The following HNMT variants were observed in gnomAD, a reference collection of about 807,000 sequenced individuals.
HNMT encodes histamine N-methyltransferase.
HNMT carries 30 observed loss-of-function variants against 32.1 expected under a neutral mutation model. The observed-to-expected ratio is 0.93, with a 90% CI of 0.70 to 1.27. The LOEUF (loss-of-function observed/expected upper bound fraction) is 1.27, where lower values mean the gene tolerates loss of function less well. Among genes scored for constraint, HNMT ranks in the 50% most tolerant of loss-of-function variants. HNMT has a pLI of 0.00. For missense variants in HNMT, 327 were observed against 346.0 expected, an observed-to-expected ratio of 0.95 and a Z score of 0.43; for synonymous variants, 125 against 119.0, an observed-to-expected ratio of 1.05 and a Z score of -0.33.
At chr2:137,972,552 AG>A in intron 2 of HNMT, among the ~76,000 whole-genome samples, 1 of 152,338 alleles carries the variant, frequency 6.6e-6, no homozygotes, top group Non-Finnish European at 1.5e-5. Context: ...CAGACAATGA[AG>A]GGAATTGTCA....
intron 5 of HNMT, among the ~76,000 whole-genome samples, chr2:138,008,431 A>C (rs1681393806): frequency 6.6e-6 from 1 of 152,030 alleles, no homozygotes; most frequent in African/African-American, 2.4e-5. Flanking sequence ...GCTATTGTGA[A>C]TAATCCTGCA....
intron 2 of HNMT, among the ~76,000 whole-genome samples, chr2:137,985,945 G>A (rs1381440573): frequency 6.6e-6 from 1 of 151,814 alleles, no homozygotes; most frequent in African/African-American, 2.4e-5. Context: ...CTCCAGCCTG[G>A]GCGACAGAGC....
chr2:137,995,710 CAAA>C (rs995074703), intron 2 of HNMT, among the ~76,000 whole-genome samples: 1 of 151,104 alleles, frequency 6.6e-6, no homozygotes, highest in Non-Finnish European at 1.5e-5. Context: ...AGAGACACAA[CAAA>C]AAAAAGGAAA....
chr2:137,975,189 C>T (rs1208112731), intron 2 of HNMT, among the ~76,000 whole-genome samples: 2 of 152,082 alleles, frequency 1.3e-5, no homozygotes, highest in Non-Finnish European at 2.9e-5. Flanking sequence ...GAAAAAGAGA[C>T]CTAGGTTGCA....
chr2:137,978,935 A>G (rs1680391417), intron 2 of HNMT, among the ~76,000 whole-genome samples: 1 of 140,406 alleles, frequency 7.1e-6, no homozygotes, highest in Non-Finnish European at 1.5e-5. Context: ...TAGTATACAT[A>G]AAATAGGTAA....
intron 5 of HNMT, among the ~76,000 whole-genome samples, chr2:138,005,988 T>A (rs1055515599): frequency 1.3e-5 from 2 of 152,004 alleles, no homozygotes; most frequent in Non-Finnish European, 2.9e-5. Context: ...ACACCGTATG[T>A]CACAAAATTG....
chr2:137,992,792 C>T (rs1294859335), intron 2 of HNMT, among the ~76,000 whole-genome samples: 1 of 152,178 alleles, frequency 6.6e-6, no homozygotes, highest in Non-Finnish European at 1.5e-5. Context: ...TGGCATCAGG[C>T]TGGTGCCCCT....
chr2:137,977,818 T>C (rs1416896783), intron 2 of HNMT, among the ~76,000 whole-genome samples: 1 of 151,850 alleles, frequency 6.6e-6, no homozygotes, highest in African/African-American at 2.4e-5. Context: ...GCCCTGCTGG[T>C]TGTTAAAAAT....
At chr2:137,998,292 A>G (rs1681055834) in intron 2 of HNMT, among the ~76,000 whole-genome samples, 1 of 152,204 alleles carries the variant, frequency 6.6e-6, no homozygotes, top group African/African-American at 2.4e-5. Context: ...CATTGAACAA[A>G]TTTCTCATAT....
At position 138,016,181 on chromosome 2, in the gene HNMT, T is replaced by C. The variant is rs1295501635; in HGVS notation, c.*2051T>C. ...TGAATTTGGAATGTTGTTTTATGTA[T>C]TGTTGTGGATCTCTCAGTGTTTAAC... On this transcript the variant is annotated 3_prime_UTR_variant, in exon 6 of 6. Coordinates refer to ENST00000280097, the MANE Select transcript of HNMT (RefSeq NM_006895.3). 1.3e-5 allele frequency: 2 copies of C among 152,144 alleles called. No individual in the cohort carries two copies. The highest frequency in any genetic ancestry group is 1.9e-4 in the East Asian group (1 of 5,190). The allele number at this position is 152,144 out of a possible 1,614,324, so 9.4% of individuals were successfully genotyped here. A position where few individuals can be genotyped will look rare whatever the true frequency, so the allele number is the denominator to read the frequency against.
At chr2:138,012,175 A>G (rs1055917155) in intron 5 of HNMT, among the ~76,000 whole-genome samples, 1 of 152,152 alleles carries the variant, frequency 6.6e-6, no homozygotes, top group African/African-American at 2.4e-5. Context: ...TGTGCGTACC[A>G]TTACGCAATA....
chr2:137,978,270 G>T (rs115211860), intron 2 of HNMT, among the ~76,000 whole-genome samples: 1 of 148,030 alleles, frequency 6.8e-6, no homozygotes, highest in Non-Finnish European at 1.5e-5. Context: ...ATTTATATAC[G>T]TATATATTAA....
intron 2 of HNMT, among the ~76,000 whole-genome samples, chr2:137,991,598 A>G (rs1193618474): frequency 1.3e-5 from 2 of 152,240 alleles, no homozygotes; most frequent in African/African-American, 4.8e-5. Context: ...GGGAATCATA[A>G]GCCAGGAGCC....
intron 2 of HNMT, among the ~76,000 whole-genome samples, chr2:137,978,423 GTAT>G (rs1268554195): frequency 1.2e-4 from 17 of 140,692 alleles, no homozygotes; most frequent in Admixed American, 4.3e-4. Flanking sequence ...ATATAATATA[GTAT>G]TATATACAAT....
chr2:137,994,508 A>G (rs1164189480), intron 2 of HNMT, among the ~76,000 whole-genome samples: 2 of 152,200 alleles, frequency 1.3e-5, no homozygotes, highest in African/African-American at 2.4e-5. Flanking sequence ...ATACAAGAGC[A>G]CCCAGATTCA....
chr2:137,992,984 A>C (rs542968397), intron 2 of HNMT, among the ~76,000 whole-genome samples: 1 of 152,256 alleles, frequency 6.6e-6, no homozygotes, highest in South Asian at 2.1e-4. Flanking sequence ...AACAAGCAGA[A>C]AGCAACAACA....
intron 2 of HNMT, among the ~76,000 whole-genome samples, chr2:137,978,628 A>G (rs1431985685): frequency 2.1e-5 from 3 of 140,426 alleles, no homozygotes; most frequent in Non-Finnish European, 4.5e-5. Flanking sequence ...TATACAATAC[A>G]TATGATTAGA....
chr2:138,006,440 T>G (rs1368835503), intron 5 of HNMT, among the ~76,000 whole-genome samples: 1 of 152,010 alleles, frequency 6.6e-6, no homozygotes, highest in Non-Finnish European at 1.5e-5. Flanking sequence ...GTCTAATCTC[T>G]TATTTATATT....
chr2:138,002,824 T>A, intron 4 of HNMT: 1 of 955,728 alleles, frequency 1.0e-6, no homozygotes, highest in South Asian at 4.9e-5. Context: ...CTCTAGTGGC[T>A]CTAATGGTTT....
Sources: gnomAD v4.1 joint callset for allele counts (sites outside exome capture counted in the v4.1 genomes callset) on GRCh38, gnomAD v4.1.1 for gene constraint, MANE v1.5 for transcripts, NCBI Gene and HGNC (gene_info 2026-07-23, HGNC 2026-07-21) for gene names.